Variants in RBMS3 observed in about 807,000 individuals in gnomAD.
RBMS3 encodes RNA binding motif single stranded interacting protein 3, also known as RNA-binding motif, single-stranded-interacting protein 3.
In RBMS3, 27 loss-of-function variants were observed where a neutral mutation model predicts 66.8. That is an observed-to-expected ratio of 0.40 (90% CI 0.30 to 0.56). The LOEUF is 0.56. Among genes scored for constraint, RBMS3 ranks in the 20% least tolerant of loss-of-function variants. The pLI, the probability that RBMS3 is intolerant of heterozygous loss-of-function variation, is 0.40. For missense variants in RBMS3, 513 were observed against 549.5 expected, an observed-to-expected ratio of 0.93 and a Z score of 0.66; for synonymous variants, 188 against 183.0, an observed-to-expected ratio of 1.03 and a Z score of -0.22.
chr3:29,534,237 C>A (rs1213889712), intron 3 of RBMS3, among the ~76,000 whole-genome samples: 1 of 152,202 alleles, frequency 6.6e-6, no homozygotes, highest in East Asian at 1.9e-4. Flanking sequence ...TGAGCTAAGC[C>A]TTTACTACCA....
At chr3:29,844,831 A>T (rs1363634946) in intron 6 of RBMS3, among the ~76,000 whole-genome samples, 1 of 152,258 alleles carries the variant, frequency 6.6e-6, no homozygotes, top group East Asian at 1.9e-4. Flanking sequence ...AATAAGATAG[A>T]TCATATTGTG....
At position 29,756,452 on chromosome 3, in the gene RBMS3, G is replaced by A. The variant is rs1265060902; in HGVS notation, c.558-6458G>A. 2.0e-5 allele frequency among the ~76,000 whole-genome samples: 3 copies of A among 152,142 alleles called. No homozygotes were observed. The East Asian group carries it at 5.8e-4, about 29-fold the overall frequency. On this transcript the variant is annotated intron_variant, in intron 5 of 14. Coordinates refer to ENST00000383767, the MANE Select transcript of RBMS3 (RefSeq NM_001003793.3). ...CACAATCATAGTGGAAGGCAAAGGG[G>A]GAGCAAAGGCTTGTCTTACATGGCA...
At chr3:29,503,889 T>C (rs901432938) in intron 3 of RBMS3, among the ~76,000 whole-genome samples, 1 of 152,116 alleles carries the variant, frequency 6.6e-6, no homozygotes, top group Non-Finnish European at 1.5e-5. Flanking sequence ...ATTGCCAGAA[T>C]TTTTGAATTT....
intron 3 of RBMS3, among the ~76,000 whole-genome samples, chr3:29,526,711 T>C (rs2045125966): frequency 6.6e-6 from 1 of 151,948 alleles, no homozygotes; most frequent in Admixed American, 6.6e-5. Context: ...TACTTATAAT[T>C]TCTACACTTA....
intron 1 of RBMS3, among the ~76,000 whole-genome samples, chr3:29,371,206 G>A (rs934155200): frequency 2.6e-5 from 4 of 152,134 alleles, no homozygotes; most frequent in African/African-American, 9.7e-5. Context: ...CCCAACCTAA[G>A]AATCATTTCA....
intron 10 of RBMS3, among the ~76,000 whole-genome samples, chr3:29,916,717 A>G (rs1353112930): frequency 1.3e-5 from 2 of 152,044 alleles, no homozygotes; most frequent in Non-Finnish European, 2.9e-5. Flanking sequence ...AGAGAATACG[A>G]AACATGTGGA....
At chr3:29,799,974 G>A (rs2057336946) in intron 6 of RBMS3, among the ~76,000 whole-genome samples, 1 of 152,106 alleles carries the variant, frequency 6.6e-6, no homozygotes, top group Non-Finnish European at 1.5e-5. Flanking sequence ...ACTTCATCAA[G>A]ATTTATCGTC....
chr3:29,521,353 A>T (rs1188762787), intron 3 of RBMS3, among the ~76,000 whole-genome samples: 1 of 152,160 alleles, frequency 6.6e-6, no homozygotes, highest in Non-Finnish European at 1.5e-5. Flanking sequence ...ACATCTCAAA[A>T]ACTGAGTCTT....
intron 10 of RBMS3, among the ~76,000 whole-genome samples, chr3:29,913,399 T>C (rs940252117): frequency 3.9e-5 from 6 of 151,982 alleles, no homozygotes; most frequent in African/African-American, 9.7e-5. Context: ...AATAGTTCAG[T>C]TGGCGTCACA....
In RBMS3 at chr3:29,281,480, T is replaced by TG. The variant is rs2031773891; in HGVS notation, c.-202_-201insG. ...TACAGATCTCACTCCTCGCCCTTTT[T>TG]TTTTTTCCTTTGGTGTGTGTTTTTT... On this transcript the variant is annotated 5_prime_UTR_variant, in exon 1 of 15. Transcript: ENST00000383767. The TG allele has an allele frequency of 1.8e-6, 1 of 566,958 alleles. No homozygotes were observed. The highest frequency in any genetic ancestry group is 3.1e-6 in the Non-Finnish European group (1 of 323,332). The allele number at this position is 566,958 out of a possible 1,614,324, so 35.1% of individuals were successfully genotyped here. A position where few individuals can be genotyped will look rare whatever the true frequency, so the allele number is the denominator to read the frequency against.
intron 5 of RBMS3, among the ~76,000 whole-genome samples, chr3:29,751,194 CTT>C (rs1339468021): frequency 2.6e-5 from 4 of 152,130 alleles, no homozygotes. Flanking sequence ...TTTACTATCT[CTT>C]ATTAATACTA....
At chr3:29,878,324 A>G (rs965581137) in intron 7 of RBMS3, among the ~76,000 whole-genome samples, 3 of 152,004 alleles carry the variant, frequency 2.0e-5, no homozygotes, top group African/African-American at 7.3e-5. Context: ...ATCATTGATG[A>G]TTTTTATTGG....
At chr3:29,446,207 A>C (rs2125749550) in intron 2 of RBMS3, among the ~76,000 whole-genome samples, 1 of 152,262 alleles carries the variant, frequency 6.6e-6, no homozygotes, top group African/African-American at 2.4e-5. Flanking sequence ...ATCTTAATTA[A>C]GTCATTGAGA....
chr3:29,358,017 G>A (rs1011700819), intron 1 of RBMS3, among the ~76,000 whole-genome samples: 4 of 152,070 alleles, frequency 2.6e-5, no homozygotes, highest in Non-Finnish European at 5.9e-5. Flanking sequence ...TCACTCTGAT[G>A]GTAGTTTCTT....
intron 1 of RBMS3, among the ~76,000 whole-genome samples, chr3:29,343,634 A>G (rs2036407494): frequency 1.3e-5 from 2 of 152,218 alleles, no homozygotes; most frequent in Admixed American, 6.5e-5. Flanking sequence ...CTCAATTGGA[A>G]TACGACTTAG....
rs751855649 is a variant in RBMS3 at position 29,434,915 on chromosome 3, C to A, written c.248C>A (p.Pro83Gln). ...CAGGACCTAATCAAGCTGTGCCAAC[C>A]GTAAGTGTCCTTCTGCTGCCCGTGC... ...TDQDLIKLCQ[P>Q]YGKIVSTKAI... Residue 83 changes from proline to glutamine, a missense_variant and splice_region_variant, in exon 2 of 15, where the codon CCG (proline) becomes CAG (glutamine). Transcript: ENST00000383767. The A allele has an allele frequency of 6.2e-7, 1 of 1,611,576 alleles. No homozygotes were observed. Among genetic ancestry groups the A allele is most frequent in the Non-Finnish European group, 8.5e-7 (1 of 1,178,530 alleles).
intron 4 of RBMS3, among the ~76,000 whole-genome samples, chr3:29,712,877 C>T (rs1309065471): frequency 6.6e-6 from 1 of 152,112 alleles, no homozygotes; most frequent in Admixed American, 6.6e-5. Flanking sequence ...CTCCAGTTTC[C>T]CACATTCTCC....
At chr3:29,529,073 G>A (rs2045250329) in intron 3 of RBMS3, among the ~76,000 whole-genome samples, 1 of 152,080 alleles carries the variant, frequency 6.6e-6, no homozygotes, top group African/African-American at 2.4e-5. Context: ...TGTTTTAGTG[G>A]CAGAATAGTC....
chr3:29,380,741 G>C (rs1415602157), intron 1 of RBMS3, among the ~76,000 whole-genome samples: 2 of 152,190 alleles, frequency 1.3e-5, no homozygotes, highest in African/African-American at 2.4e-5. Flanking sequence ...ATGCCAATTT[G>C]TGAATTATTT....
Sources: gnomAD v4.1 joint callset for allele counts (sites outside exome capture counted in the v4.1 genomes callset) on GRCh38, gnomAD v4.1.1 for gene constraint, MANE v1.5 for transcripts, NCBI Gene and HGNC (gene_info 2026-07-23, HGNC 2026-07-21) for gene names.